DNAH14: variants seen among roughly 807,000 people sequenced by gnomAD.
DNAH14 encodes the protein dynein axonemal heavy chain 14.
Under a neutral mutation model 520.9 loss-of-function variants are expected in DNAH14, and 478 were observed. The ratio of observed to expected loss-of-function variants is 0.92; its 90% CI spans 0.85 to 0.99. DNAH14 has a LOEUF of 0.99. Among genes scored for constraint, DNAH14 ranks in the 50% least tolerant of loss-of-function variants. DNAH14 has a pLI of 0.00. For synonymous variants in DNAH14, 1,581 were observed against 1,757.2 expected (o/e 0.90, Z 2.51); for missense variants, 4,831 against 5,234.5 (o/e 0.92, Z 2.38).
At chr1:225,016,109 T>G (rs937239407) in intron 10 of DNAH14, among the ~76,000 whole-genome samples, 1 of 152,216 alleles carries the variant, frequency 6.6e-6, no homozygotes, top group African/African-American at 2.4e-5. Flanking sequence ...AACTAATGTA[T>G]AGGCTCTGAA....
At chr1:225,354,091 A>AG (rs1418892856) in intron 73 of DNAH14, 12 of 701,496 alleles carry the variant, frequency 1.7e-5, no homozygotes, top group Non-Finnish European at 3.2e-5. Context: ...ACATTCCTGG[A>AG]GTCCCTCTGT....
rs1247907323 is a variant in DNAH14 at position 225,140,949 on chromosome 1, T to A, written c.4436T>A (p.Val1479Asp). ...AILGALLILY[V>D]HCRDIVINLL... ...CTAGGGGCATTGCTTATCCTTTATG[T>A]TCACTGCAGAGATATAGTGATAAAT... Residue 1479 changes from valine to aspartate, a missense_variant, in exon 28 of 86, where the codon GTT becomes GAT. Val to Asp is a radical substitution (Grantham distance 152). Transcript: ENST00000682510. 6.4e-7 allele frequency: 1 copy of A among 1,551,430 alleles called. No individual in the cohort carries two copies. The highest frequency in any genetic ancestry group is 1.2e-5 in the South Asian group (1 of 84,044).
At chr1:225,097,577 C>A (rs1260992172) in intron 22 of DNAH14, among the ~76,000 whole-genome samples, 1 of 151,884 alleles carries the variant, frequency 6.6e-6, no homozygotes, top group East Asian at 1.9e-4. Flanking sequence ...AGTTCAAGAC[C>A]AGCCTGGCCA....
At position 225,303,177 on chromosome 1, in the gene DNAH14, AT is replaced by A; in HGVS notation, c.8658del (p.Phe2886LeufsTer2). The A allele has an allele frequency of 6.7e-7, 1 of 1,494,470 alleles. No individual in the cohort carries two copies. 92.6% of individuals were successfully genotyped at this position (1,494,470 alleles called of 1,614,324 possible). Reference sequence around the variant, plus strand: ...TCAGAGAATATATAAAAATCTTCATATTTTTGTGATCATGAGTCCTGAAGGA... The same window carrying A: ...TCAGAGAATATATAAAAATCTTCATATTTTGTGATCATGAGTCCTGAAGGA... The part of the protein sequence containing the change: ...FQKRIYKNLH[I>X]FVIMSPEGPS... On this transcript the variant is annotated frameshift_variant, in exon 57 of 86. Transcript: ENST00000682510. LOFTEE classifies it high-confidence loss of function.
chr1:225,134,893 A>G (rs1417123456), intron 27 of DNAH14, among the ~76,000 whole-genome samples: 1 of 151,936 alleles, frequency 6.6e-6, no homozygotes, highest in Non-Finnish European at 1.5e-5. Context: ...TACTGCTTCA[A>G]TTTCACAACT....
chr1:224,952,530 A>G (rs41267345), intron 1 of DNAH14, 140 bp from the exon 2 acceptor site: 20,899 of 426,504 alleles, frequency 0.049, 702 homozygotes, highest in Non-Finnish European at 0.06. Context: ...ATTATACTGT[A>G]TATAAGAAAC....
In DNAH14 at chr1:225,043,023, C is replaced by G; in HGVS notation, c.1677C>G (p.Asp559Glu). 6.4e-7 allele frequency: 1 copy of G among 1,551,464 alleles called. No homozygotes were observed. Among genetic ancestry groups the G allele is most frequent in the Non-Finnish European group, 8.7e-7 (1 of 1,146,916 alleles). ...MFEDEMSENKDNCVKKHSSEE... is the reference protein window; with the variant it reads ...MFEDEMSENKENCVKKHSSEE... ...AAGATGAAATGTCAGAAAATAAAGA[C>G]AATTGTGTCAAAAAACACTCAAGTG... The change falls in exon 13 of 86, where the codon GAC becomes GAG. Residue 559 changes from aspartate to glutamate, a missense_variant. Asp to Glu is a conservative substitution (Grantham distance 45). Coordinates refer to ENST00000682510, the MANE Select transcript of DNAH14 (RefSeq NM_001367479.1).
intron 8 of DNAH14, among the ~76,000 whole-genome samples, chr1:224,981,127 G>A (rs572090620): frequency 1.3e-5 from 2 of 152,278 alleles, no homozygotes; most frequent in South Asian, 4.1e-4. Context: ...TGCATCCCTG[G>A]TATGAAACCC....
intron 27 of DNAH14, among the ~76,000 whole-genome samples, chr1:225,128,153 A>C (rs2077967047): frequency 6.6e-6 from 1 of 151,848 alleles, no homozygotes; most frequent in Admixed American, 6.6e-5. Flanking sequence ...TTTTTCCTTC[A>C]TTTCAACTTT....
At position 225,240,747 on chromosome 1, in the gene DNAH14, C is replaced by A; in HGVS notation, c.6673C>A (p.Pro2225Thr). The A allele has an allele frequency of 6.4e-7, 1 of 1,550,478 alleles. No homozygotes were observed. The highest frequency in any genetic ancestry group is 8.7e-7 in the Non-Finnish European group (1 of 1,146,246). Residue 2225 changes from proline to threonine, a missense_variant, in exon 43 of 86, where the codon CCT (proline) becomes ACT (threonine). Pro to Thr is a conservative substitution (Grantham distance 38, BLOSUM62 -1). Transcript: ENST00000682510. ...ENIPFCPSLE[P>T]DSLAKVTYDF... ...TATACCATTTTGTCCCAGTCTTGAA[C>A]CTGATTCTCTTGCAAAAGTAACATA...
In DNAH14 at chr1:224,929,837, T is replaced by C; in HGVS notation, c.-34+2T>C. 2 of 689,022 alleles carry C rather than the reference T, an allele frequency of 2.9e-6. No individual in the cohort carries two copies. The highest frequency in any genetic ancestry group is 5.3e-6 in the Non-Finnish European group (2 of 375,816). The allele number at this position is 689,022 out of a possible 1,614,324, so 42.7% of individuals were successfully genotyped here. A position where few individuals can be genotyped will look rare whatever the true frequency, so the allele number is the denominator to read the frequency against. ...GGCCGTCGGACCACGGCGCGGCGGG[T>C]AAGGTCGTCAGCGTCTTCCTGTCAG... On this transcript the variant is annotated splice_donor_variant, in intron 1 of 85. Coordinates refer to ENST00000682510, the MANE Select transcript of DNAH14 (RefSeq NM_001367479.1). LOFTEE classifies it low-confidence loss of function (5UTR_SPLICE).
At chr1:225,129,490 A>G (rs1209367955) in intron 27 of DNAH14, among the ~76,000 whole-genome samples, 1 of 152,046 alleles carries the variant, frequency 6.6e-6, no homozygotes, top group African/African-American at 2.4e-5. Context: ...ATGGAACAGA[A>G]CAGAGCCCTC....
intron 41 of DNAH14, among the ~76,000 whole-genome samples, chr1:225,211,878 A>G (rs1375670391): frequency 1.3e-5 from 1 of 77,476 alleles, no homozygotes; most frequent in Non-Finnish European, 2.4e-5. Flanking sequence ...CCCAGAATTT[A>G]TTTATTTATT....
intron 54 of DNAH14, among the ~76,000 whole-genome samples, chr1:225,286,398 A>T (rs565709317): frequency 6.6e-6 from 1 of 152,268 alleles, no homozygotes; most frequent in Admixed American, 6.5e-5. Flanking sequence ...TGGAATTATC[A>T]CTCTGTATCC....
chr1:225,335,870 C>CACATATACATATATGTACATAT (rs1412453242), intron 66 of DNAH14, among the ~76,000 whole-genome samples: 2 of 48,930 alleles, frequency 4.1e-5, no homozygotes, highest in Non-Finnish European at 7.5e-5. Flanking sequence ...TATGTACATA[C>CACATATACATATATGTACATAT]ACATATACAT....
At chr1:225,335,265 C>A (rs1335724157) in intron 66 of DNAH14, among the ~76,000 whole-genome samples, 1 of 131,510 alleles carries the variant, frequency 7.6e-6, no homozygotes, top group Non-Finnish European at 1.7e-5. Context: ...TGCACATATA[C>A]ACGTGTACAT....
chr1:225,165,683 A>T lies in DNAH14; in HGVS notation c.5446-2256A>T, dbSNP rs574032556. Among the ~76,000 whole-genome samples, 13 of 151,914 alleles carry T rather than the reference A, an allele frequency of 8.6e-5. No homozygotes were observed. The South Asian group carries it at 2.3e-3, about 27-fold the overall frequency. On this transcript the variant is annotated intron_variant, in intron 35 of 85. Transcript: ENST00000682510. ...TCACTGCAGCCTCGACCTCGGGCTCAAGCAATCCTCCTGCCTCAGTCCCCC... is the reference window on the plus strand; with the variant it reads ...TCACTGCAGCCTCGACCTCGGGCTCTAGCAATCCTCCTGCCTCAGTCCCCC...
At chr1:225,004,859 T>A (rs1160326449) in intron 9 of DNAH14, among the ~76,000 whole-genome samples, 1 of 152,108 alleles carries the variant, frequency 6.6e-6, no homozygotes, top group Non-Finnish European at 1.5e-5. Flanking sequence ...ATGTGAAGAA[T>A]GGGATTGTTC....
chr1:225,256,316 A>G (rs2092731482), intron 44 of DNAH14, among the ~76,000 whole-genome samples: 1 of 152,212 alleles, frequency 6.6e-6, no homozygotes, highest in African/African-American at 2.4e-5. Flanking sequence ...CGTGTTGGTC[A>G]TCCAGAAGTT....
Sources: gnomAD v4.1 joint callset for allele counts (sites outside exome capture counted in the v4.1 genomes callset) on GRCh38, gnomAD v4.1.1 for gene constraint, MANE v1.5 for transcripts, NCBI Gene and HGNC (gene_info 2026-07-23, HGNC 2026-07-21) for gene names.